The following KANK4 variants were observed in gnomAD, a reference collection of about 807,000 sequenced individuals.
KANK4 encodes the protein KN motif and ankyrin repeat domains 4, also known as KN motif and ankyrin repeat domain-containing protein 4.
Under a neutral mutation model 80.8 loss-of-function variants are expected in KANK4, and 50 were observed. The ratio of observed to expected loss-of-function variants is 0.62; its 90% CI spans 0.49 to 0.78. KANK4 has a LOEUF of 0.78. Ranked by LOEUF, KANK4 falls within the 30% of genes least tolerant of loss-of-function variation. KANK4 has a pLI of 0.00. For missense variants in KANK4, 1,196 were observed against 1,240.1 expected (o/e 0.96, Z 0.53); for synonymous variants, 465 against 506.9 (o/e 0.92, Z 1.11).
chr1:62,317,122 C>T (rs1007222146), intron 1 of KANK4, among the ~76,000 whole-genome samples: 2 of 152,116 alleles, frequency 1.3e-5, no homozygotes, highest in Non-Finnish European at 2.9e-5. Flanking sequence ...TGCAAGGGGC[C>T]GGGAAAGTGT....
intron 4 of KANK4, 68 bp downstream of exon 4, chr1:62,271,410 A>G: frequency 1.9e-6 from 2 of 1,026,638 alleles, no homozygotes; most frequent in Non-Finnish European, 3.1e-6. Flanking sequence ...CTAGGAAAAG[A>G]GAGTGCAAAG....
intron 2 of KANK4, among the ~76,000 whole-genome samples, chr1:62,275,752 C>T (rs558150326): frequency 2.0e-5 from 3 of 150,616 alleles, no homozygotes; most frequent in South Asian, 2.1e-4. Context: ...TTAACAAACA[C>T]GAAATTCACT....
At chr1:62,315,552 C>T (rs1644531918) in intron 1 of KANK4, among the ~76,000 whole-genome samples, 1 of 152,128 alleles carries the variant, frequency 6.6e-6, no homozygotes, top group African/African-American at 2.4e-5. Flanking sequence ...ACTGTATCCA[C>T]GCCATCATCC....
chr1:62,295,079 G>A (rs1457675139), intron 1 of KANK4, among the ~76,000 whole-genome samples: 1 of 152,122 alleles, frequency 6.6e-6, no homozygotes. Context: ...AGGTGTCACA[G>A]AATGGTGGGG....
chr1:62,298,340 TA>T (rs931447615), intron 1 of KANK4: 2 of 152,228 alleles, frequency 1.3e-5, no homozygotes, highest in Admixed American at 1.3e-4. Context: ...AACCTACTGT[TA>T]AAAATCTTTG....
chr1:62,239,784 G>A (rs912412780), intron 9 of KANK4, among the ~76,000 whole-genome samples: 5 of 152,074 alleles, frequency 3.3e-5, no homozygotes, highest in East Asian at 1.9e-4. Context: ...CTTTCCTTGC[G>A]ATGGTTTGCT....
At chr1:62,256,193 G>A (rs986038158) in intron 7 of KANK4, among the ~76,000 whole-genome samples, 1 of 152,124 alleles carries the variant, frequency 6.6e-6, no homozygotes, top group African/African-American at 2.4e-5. Context: ...ATCATGCCTA[G>A]TACACAGTAA....
chr1:62,272,979 T>C (rs567720171), intron 3 of KANK4, among the ~76,000 whole-genome samples: 1 of 152,042 alleles, frequency 6.6e-6, no homozygotes, highest in East Asian at 1.9e-4. Flanking sequence ...TTAGTAGAGA[T>C]GGGTTTTCGC....
At chr1:62,317,173 A>G (rs1276856114) in intron 1 of KANK4, among the ~76,000 whole-genome samples, 1 of 152,156 alleles carries the variant, frequency 6.6e-6, no homozygotes. Flanking sequence ...TAGGGCCCAG[A>G]TGAGGAAATG....
At chr1:62,289,566 T>C (rs2149159430) in intron 1 of KANK4, among the ~76,000 whole-genome samples, 1 of 152,264 alleles carries the variant, frequency 6.6e-6, no homozygotes, top group East Asian at 1.9e-4. Flanking sequence ...CCAATGGCAC[T>C]GTCCAGTTTG....
rs1671217863 is a variant in KANK4 at position 62,237,041 on chromosome 1, T to A, written c.*1236A>T. On this transcript the variant is annotated 3_prime_UTR_variant, in exon 10 of 10. Coordinates refer to ENST00000371153, the MANE Select transcript of KANK4 (RefSeq NM_181712.5). ...CTCACCACAGGGGCACCCAGCAAAT[T>A]GGCATCTGAGCCAAAATGAGAGTGC... 1.3e-5 allele frequency: 2 copies of A among 151,888 alleles called. No homozygotes were observed. Among genetic ancestry groups the A allele is most frequent in the South Asian group, 4.2e-4 (2 of 4,816 alleles). 9.4% of individuals were successfully genotyped at this position (151,888 alleles called of 1,614,324 possible).
intron 1 of KANK4, among the ~76,000 whole-genome samples, chr1:62,295,161 T>C (rs1433187609): frequency 6.6e-6 from 1 of 150,912 alleles, no homozygotes; most frequent in Non-Finnish European, 1.5e-5. Flanking sequence ...TTTTTTGAGA[T>C]GGAATTTTGC....
intron 2 of KANK4, among the ~76,000 whole-genome samples, chr1:62,281,113 G>C (rs1672442480): frequency 6.6e-6 from 1 of 152,162 alleles, no homozygotes; most frequent in Admixed American, 6.5e-5. Context: ...CCAGCTCCCA[G>C]CCAAGTCACC....
At chr1:62,279,658 C>A (rs368601419) in intron 2 of KANK4, among the ~76,000 whole-genome samples, 1 of 152,124 alleles carries the variant, frequency 6.6e-6, no homozygotes, top group East Asian at 1.9e-4. Flanking sequence ...ATTATTAGCA[C>A]GAATGCACTA....
In KANK4 at chr1:62,237,969, A is replaced by G. The variant is rs548622982; in HGVS notation, c.*308T>C. On this transcript the variant is annotated 3_prime_UTR_variant, in exon 10 of 10. Coordinates refer to ENST00000371153, the MANE Select transcript of KANK4 (RefSeq NM_181712.5). ...CTGCCTGCTTGCTACACAATGTTACAGAGGGTAGAGTCATGAGGAATTCAA... is the reference window on the plus strand; with the variant it reads ...CTGCCTGCTTGCTACACAATGTTACGGAGGGTAGAGTCATGAGGAATTCAA... 1.8e-3 allele frequency: 476 copies of G among 271,424 alleles called. 2 individuals carry two copies. Among genetic ancestry groups the G allele is most frequent in the Non-Finnish European group, 2.7e-3 (387 of 143,078 alleles). 16.8% of individuals were successfully genotyped at this position (271,424 alleles called of 1,614,324 possible). A position where few individuals can be genotyped will look rare whatever the true frequency, so the allele number is the denominator to read the frequency against.
chr1:62,281,653 C>G lies in KANK4; in HGVS notation c.-70-19G>C. On this transcript the variant is annotated intron_variant, in intron 1 of 9. Coordinates refer to ENST00000371153, the MANE Select transcript of KANK4 (RefSeq NM_181712.5). ...GAAGGTTCTGAAAGAAAGGAGGATA[C>G]AGAAGTGGTGAGTCTCATTAGCGTT... The G allele has an allele frequency of 6.9e-7, 1 of 1,457,530 alleles. No individual in the cohort carries two copies. Among genetic ancestry groups the G allele is most frequent in the Non-Finnish European group, 9.6e-7 (1 of 1,037,408 alleles). The allele number at this position is 1,457,530 out of a possible 1,614,324, so 90.3% of individuals were successfully genotyped here.
chr1:62,259,788 A>G (rs1397229656), intron 7 of KANK4, among the ~76,000 whole-genome samples: 2 of 149,284 alleles, frequency 1.3e-5, no homozygotes, highest in Non-Finnish European at 3.0e-5. Flanking sequence ...AATATAATTT[A>G]TAAATATAAT....
chr1:62,286,895 C>T (rs955949107), intron 1 of KANK4, among the ~76,000 whole-genome samples: 2 of 152,154 alleles, frequency 1.3e-5, no homozygotes, highest in African/African-American at 4.8e-5. Context: ...TGCTGCTCTA[C>T]CAATCTGCTG....
At chr1:62,246,578 A>T (rs1363822089) in intron 9 of KANK4, among the ~76,000 whole-genome samples, 1 of 152,006 alleles carries the variant, frequency 6.6e-6, no homozygotes, top group Non-Finnish European at 1.5e-5. Flanking sequence ...AACATTTACC[A>T]TGAATCATCT....
Sources: allele counts gnomAD v4.1 joint callset (sites outside exome capture counted in the v4.1 genomes callset), GRCh38; gene constraint gnomAD v4.1.1; transcripts MANE v1.5; gene names NCBI Gene and HGNC (gene_info 2026-07-23, HGNC 2026-07-21).